Variants in PRMT8 observed in about 807,000 individuals in gnomAD.
The protein encoded by PRMT8 is protein arginine N-methyltransferase 8.
A neutral mutation model predicts 47.1 loss-of-function variants in PRMT8; 7 were observed. The observed-to-expected ratio is 0.15, with a 90% confidence interval of 0.08 to 0.28. PRMT8 has a LOEUF of 0.28. Ranked by LOEUF, PRMT8 falls within the 10% of genes least tolerant of loss-of-function variation. The probability of loss-of-function intolerance (pLI) is 1.00; values close to 1 mark genes in which losing one functional copy is unlikely to be tolerated. For missense variants in PRMT8, 237 were observed against 505.4 expected (o/e 0.47, Z 5.09); for synonymous variants, 188 against 186.5 (o/e 1.01, Z -0.07).
chr12:3,568,682 G>A, intron 4 of PRMT8, 24 bp from the exon 5 acceptor site: 1 of 1,614,030 alleles, frequency 6.2e-7, no homozygotes, highest in Non-Finnish European at 8.5e-7. Context: ...TGCAAAGTAT[G>A]GCCCTGGGGT....
intron 1 of PRMT8, among the ~76,000 whole-genome samples, chr12:3,439,585 T>G (rs886729324): frequency 4.6e-5 from 7 of 152,232 alleles, no homozygotes; most frequent in Admixed American, 4.6e-4. Flanking sequence ...AAAAACTCCT[T>G]TGCTGGCTCA....
At chr12:3,418,044 A>G (rs77748862) in intron 1 of PRMT8, among the ~76,000 whole-genome samples, 2,555 of 152,332 alleles carry the variant, frequency 0.017, 75 homozygotes, top group African/African-American at 0.058. Context: ...GAGTTCATGC[A>G]TGCAAGATAC....
upstream of PRMT8, among the ~76,000 whole-genome samples, chr12:3,487,254 T>C (rs1049240843): frequency 6.6e-6 from 1 of 151,754 alleles, no homozygotes; most frequent in Non-Finnish European, 1.5e-5. Context: ...TGAGGTCCCC[T>C]GGGAGGAGGA....
At position 3,436,972 on chromosome 12, in the gene PRMT8, C is replaced by T. The variant is rs1461565515; in HGVS notation, c.48+55530C>T. Among the ~76,000 whole-genome samples the T allele has an allele frequency of 6.6e-6, 1 of 152,190 alleles. No homozygotes were observed. Among genetic ancestry groups the T allele is most frequent in the African/African-American group, 2.4e-5 (1 of 41,442 alleles). Reference sequence around the variant, plus strand: ...TTCAGTTTGGCAAACATTTACTCACCTTCTACTGTGTCCAAAGTACACAAA... The same window carrying T: ...TTCAGTTTGGCAAACATTTACTCACTTTCTACTGTGTCCAAAGTACACAAA... On this transcript the variant is annotated intron_variant, in intron 1 of 9. Coordinates refer to the PRMT8 transcript ENST00000452611. The surrounding 1 kb of genome is among the most constrained non-coding windows in gnomAD (Gnocchi z 4.2).
Position 3,592,110 on chromosome 12 carries a change from G to A in PRMT8, c.980-121G>A, listed in dbSNP as rs1031733724. On this transcript the variant is annotated intron_variant, in intron 8 of 9. Transcript: ENST00000382622. ...CTGACCCAACAAGAGTACTGGGGTG[G>A]GTGGTTTCAGTGAGTCCCAGGGGAA... 7 of 1,130,564 alleles carry A rather than the reference G, an allele frequency of 6.2e-6. No individual in the cohort carries two copies. In the African/African-American group the frequency reaches 6.5e-5, roughly 11 times the overall value. The allele number at this position is 1,130,564 out of a possible 1,614,324, so 70.0% of individuals were successfully genotyped here.
chr12:3,387,806 T>G (rs1341629429), intron 1 of PRMT8, among the ~76,000 whole-genome samples: 1 of 152,214 alleles, frequency 6.6e-6, no homozygotes, highest in Non-Finnish European at 1.5e-5. Flanking sequence ...ATTTTTGTTT[T>G]ATTTCTCTCT....
Position 3,529,763 on chromosome 12 carries a change from T to C in PRMT8, c.76-10843T>C, listed in dbSNP as rs542622179. ...TTATAACATGATTTTGTAGTTCATT[T>C]TTCTCCACCTTCAGCTCAATGGCCA... On this transcript the variant is annotated intron_variant, in intron 1 of 9. Coordinates refer to ENST00000382622, the MANE Select transcript of PRMT8 (RefSeq NM_019854.5). Among the ~76,000 whole-genome samples, 11 of 152,298 alleles carry C rather than the reference T, an allele frequency of 7.2e-5. No individual in the cohort carries two copies. In the East Asian group the frequency reaches 2.1e-3, roughly 29 times the overall value.
intron 1 of PRMT8, among the ~76,000 whole-genome samples, chr12:3,470,721 G>A (rs1049340655): frequency 3.3e-5 from 5 of 152,150 alleles, no homozygotes; most frequent in Non-Finnish European, 5.9e-5. Context: ...CTCAGGGATG[G>A]AGGGACAGAA....
intron 1 of PRMT8, among the ~76,000 whole-genome samples, chr12:3,527,643 T>G (rs1865967511): frequency 6.6e-6 from 1 of 152,188 alleles, no homozygotes; most frequent in South Asian, 2.1e-4. Context: ...TTTATTCCTA[T>G]GTATTTATAA....
Position 3,550,073 on chromosome 12 carries a change from G to A in PRMT8, c.399G>A (p.Gly133=), listed in dbSNP as rs766552199. 6.2e-6 allele frequency: 10 copies of A among 1,614,158 alleles called. No individual in the cohort carries two copies. Among genetic ancestry groups the A allele is most frequent in the South Asian group, 1.1e-5 (1 of 91,078 alleles). The part of the protein sequence containing the change: ...GILSMFAAKA[G]AKKVFGIECS... ...TTTCCATGTTCGCTGCCAAGGCAGG[G>A]GCCAAGAAGGTGTTTGGGGTGAGCA... Residue 133 remains glycine, a synonymous_variant, in exon 3 of 10, where the codon GGG becomes GGA. Coordinates refer to ENST00000382622, the MANE Select transcript of PRMT8 (RefSeq NM_019854.5). This position sits in a 1 kb window ranked among gnomAD's most constrained non-coding sequence, Gnocchi z 5.1.
Position 3,540,722 on chromosome 12 carries a change from G to T in PRMT8, c.192G>T (p.Leu64=). ...CAGGACGGGGCAAGATGTCCAAGCT[G>T]CTGAACCCAGAGGAGATGACCTCGA... The part of the protein sequence containing the change: ...SCPGRGKMSK[L]LNPEEMTSRD... The change falls in exon 2 of 10, where the codon CTG becomes CTT. Residue 64 remains leucine (L), a synonymous_variant. Coordinates refer to ENST00000382622, the MANE Select transcript of PRMT8 (RefSeq NM_019854.5). 2 of 1,613,628 alleles carry T rather than the reference G, an allele frequency of 1.2e-6. No homozygotes were observed. Among genetic ancestry groups the T allele is most frequent in the Non-Finnish European group, 1.7e-6 (2 of 1,179,904 alleles).
At chr12:3,496,957 A>G (rs955463164) in intron 1 of PRMT8, among the ~76,000 whole-genome samples, 1 of 144,760 alleles carries the variant, frequency 6.9e-6, no homozygotes, top group Non-Finnish European at 1.5e-5. Context: ...GGCTTTTCAG[A>G]GTCCTAAATT....
chr12:3,443,843 G>T (rs1348311475), intron 1 of PRMT8, among the ~76,000 whole-genome samples: 1 of 152,184 alleles, frequency 6.6e-6, no homozygotes, highest in East Asian at 1.9e-4. Flanking sequence ...ATATGGTTCA[G>T]CCACGATTGC....
intron 1 of PRMT8, among the ~76,000 whole-genome samples, chr12:3,539,274 G>A (rs1866177215): frequency 6.6e-6 from 1 of 152,168 alleles, no homozygotes; most frequent in Non-Finnish European, 1.5e-5. Flanking sequence ...ATTATGATTT[G>A]TGTTCTATAG....
At position 3,552,244 on chromosome 12, in the gene PRMT8, A is replaced by G. The variant is rs574530601; in HGVS notation, c.418-1407A>G. On this transcript the variant is annotated intron_variant, in intron 3 of 9. Coordinates refer to ENST00000382622, the MANE Select transcript of PRMT8 (RefSeq NM_019854.5). The surrounding 1 kb of genome is among the most constrained non-coding windows in gnomAD (Gnocchi z 4.5). ...TTTGTCTCAAAAAATAAGAATCAGA[A>G]AAGTGAAGACAGGTGGTAAAGAGAG... 1 of 154,160 alleles carries G rather than the reference A, an allele frequency of 6.5e-6. No individual in the cohort carries two copies. Among genetic ancestry groups the G allele is most frequent in the Admixed American group, 6.4e-5 (1 of 15,504 alleles). 9.5% of individuals were successfully genotyped at this position (154,160 alleles called of 1,614,324 possible).
chr12:3,487,748 G>A (rs1565419830), upstream of PRMT8, among the ~76,000 whole-genome samples: 1 of 152,222 alleles, frequency 6.6e-6, no homozygotes, highest in Non-Finnish European at 1.5e-5. Flanking sequence ...GAACCTGTGA[G>A]TTAGAGATAG....
intron 4 of PRMT8, among the ~76,000 whole-genome samples, chr12:3,563,290 C>T (rs189644371): frequency 7.9e-5 from 12 of 151,982 alleles, no homozygotes; most frequent in East Asian, 7.8e-4. Flanking sequence ...AGAGCCAGAG[C>T]GGGCTAGAAC....
chr12:3,422,460 C>G (rs1326666020), intron 1 of PRMT8, among the ~76,000 whole-genome samples: 2 of 152,190 alleles, frequency 1.3e-5, no homozygotes, highest in Admixed American at 1.3e-4. Context: ...TGTTGGCAGA[C>G]TCACATATCC....
intron 8 of PRMT8, among the ~76,000 whole-genome samples, chr12:3,584,078 G>A (rs1373285146): frequency 1.3e-5 from 2 of 152,184 alleles, no homozygotes; most frequent in Admixed American, 6.5e-5. Context: ...AAATACCCAG[G>A]CTTGGGGGCT....
Sources: gnomAD v4.1 joint callset for allele counts (sites outside exome capture counted in the v4.1 genomes callset) on GRCh38, gnomAD v4.1.1 for gene constraint, Gnocchi (gnomAD v3.1) non-coding constraint, MANE v1.5 for transcripts, NCBI Gene and HGNC (gene_info 2026-07-23, HGNC 2026-07-21) for gene names.